RNF145: variants seen among roughly 807,000 people sequenced by gnomAD.
The protein encoded by RNF145 is ring finger protein 145.
Under a neutral mutation model 57.3 loss-of-function variants are expected in RNF145, and 12 were observed. That is an observed-to-expected ratio of 0.21 (90% CI 0.13 to 0.34). The LOEUF (loss-of-function observed/expected upper bound fraction) is 0.34. Ranked by LOEUF, RNF145 falls within the 10% of genes least tolerant of loss-of-function variation. RNF145 has a pLI of 1.00. For synonymous variants in RNF145, 262 were observed against 288.3 expected, an observed-to-expected ratio of 0.91 and a Z score of 0.92; for missense variants, 429 against 799.0, an observed-to-expected ratio of 0.54 and a Z score of 5.58.
upstream of RNF145, chr5:159,209,759 C>T (rs1786049241): frequency 1.5e-6 from 2 of 1,293,984 alleles, no homozygotes; most frequent in South Asian, 2.5e-5. Context: ...ACTGCAGAGA[C>T]ACCTGGACGC....
chr5:159,161,542 G>T lies in RNF145; in HGVS notation c.1350C>A (p.Val450=), dbSNP rs748229151. Residue 450 remains valine, a synonymous_variant, in exon 10 of 11, where the codon GTC becomes GTA. Transcript: ENST00000424310. The stretch of plus-strand genomic sequence containing the variant: ...GGTAAGTGCCATTCACATAGTAGAT[G>T]ACATCATCCATGTTTTCCACTGGCT... ...RKEPVENMDD[V]IYYVNGTYRL... is the part of the protein sequence containing the mutation. 1.2e-6 allele frequency: 2 copies of T among 1,613,480 alleles called. No individual in the cohort carries two copies. Among genetic ancestry groups the T allele is most frequent in the Non-Finnish European group, 1.7e-6 (2 of 1,179,850 alleles).
Position 159,204,395 on chromosome 5 carries a change from G to T in RNF145, c.-39-739C>A, listed in dbSNP as rs1326354995. Among the ~76,000 whole-genome samples, 15 of 151,232 alleles carry T rather than the reference G, an allele frequency of 9.9e-5. No homozygotes were observed. In the East Asian group the frequency reaches 2.9e-3, roughly 29 times the overall value. On this transcript the variant is annotated intron_variant, in intron 1 of 10. Coordinates refer to ENST00000424310, the MANE Select transcript of RNF145 (RefSeq NM_001199383.2). ...AGACCATGATAAGTAGTGGGGGGGG[G>T]CAGGGGGAGGAGGAAATGAAAGGCA...
chr5:159,168,150 C>T (rs149140824), intron 8 of RNF145, among the ~76,000 whole-genome samples: 2 of 152,242 alleles, frequency 1.3e-5, no homozygotes, highest in Non-Finnish European at 2.9e-5. Context: ...TTATCCCTCA[C>T]AAAAATTTCT....
At chr5:159,197,672 T>G (rs1785505025) in intron 2 of RNF145, among the ~76,000 whole-genome samples, 2 of 152,318 alleles carry the variant, frequency 1.3e-5, no homozygotes, top group African/African-American at 4.8e-5. Context: ...CAAACATGCA[T>G]CACAACTCAC....
intron 9 of RNF145, among the ~76,000 whole-genome samples, chr5:159,162,425 CTTTTTTTTTTTT>C (rs201178143): frequency 7.4e-6 from 1 of 134,574 alleles, no homozygotes; most frequent in African/African-American, 2.8e-5. Context: ...GTAATATTTT[CTTTTTTTTTTTT>C]TTTTTTTTGA....
At chr5:159,186,853 C>T (rs1785076423) in intron 3 of RNF145, among the ~76,000 whole-genome samples, 1 of 152,176 alleles carries the variant, frequency 6.6e-6, no homozygotes, top group Non-Finnish European at 1.5e-5. Flanking sequence ...TGGTAATACT[C>T]ATTTTAACAA....
intron 10 of RNF145, 148 bp from the exon 11 acceptor site, chr5:159,159,183 T>C: frequency 1.5e-6 from 1 of 683,110 alleles, no homozygotes; most frequent in Non-Finnish European, 2.4e-6. Flanking sequence ...TATATATCAG[T>C]AATAATCCTG....
intron 3 of RNF145, among the ~76,000 whole-genome samples, chr5:159,190,166 G>A (rs903034462): frequency 1.3e-5 from 2 of 151,986 alleles, no homozygotes; most frequent in Non-Finnish European, 2.9e-5. Flanking sequence ...CTCAGCCTCC[G>A]AAGTAGCTGG....
chr5:159,199,278 A>G (rs2113227442), intron 2 of RNF145, among the ~76,000 whole-genome samples: 1 of 152,280 alleles, frequency 6.6e-6, no homozygotes, highest in South Asian at 2.1e-4. Flanking sequence ...CCCAAACAAC[A>G]AAAGATTAAA....
chr5:159,189,797 G>A (rs1785221668), intron 3 of RNF145, among the ~76,000 whole-genome samples: 1 of 152,226 alleles, frequency 6.6e-6, no homozygotes, highest in Admixed American at 6.5e-5. Flanking sequence ...GCTGCAACAT[G>A]CATGAATCTT....
Position 159,204,971 on chromosome 5 carries a change from C to T in RNF145, c.-39-1315G>A, listed in dbSNP as rs185678212. ...GTAATTTCAGACATTACAGGACAAACGAAAACATTTATTTCTGCAGAAAAT... is the reference window on the plus strand; with the variant it reads ...GTAATTTCAGACATTACAGGACAAATGAAAACATTTATTTCTGCAGAAAAT... On this transcript the variant is annotated intron_variant, in intron 1 of 10. Coordinates refer to ENST00000424310, the MANE Select transcript of RNF145 (RefSeq NM_001199383.2). Among the ~76,000 whole-genome samples the T allele has an allele frequency of 1.2e-3, 186 of 152,142 alleles. 1 individual carries two copies. The highest frequency in any genetic ancestry group is 3.7e-3 in the African/African-American group (154 of 41,516).
chr5:159,167,801 TC>T (rs372694018), intron 8 of RNF145, among the ~76,000 whole-genome samples: 14 of 152,334 alleles, frequency 9.2e-5, no homozygotes, highest in Admixed American at 2.6e-4. Flanking sequence ...TTTTCAGCCA[TC>T]CTACCACTTG....
intron 3 of RNF145, among the ~76,000 whole-genome samples, chr5:159,187,001 T>C (rs557195936): frequency 3.7e-5 from 5 of 134,316 alleles, no homozygotes; most frequent in East Asian, 4.6e-4. Flanking sequence ...AACAAAACAG[T>C]TGGGCGTGGT....
At chr5:159,178,738 T>C (rs1446815561) in intron 4 of RNF145, among the ~76,000 whole-genome samples, 4 of 152,090 alleles carry the variant, frequency 2.6e-5, no homozygotes, top group African/African-American at 7.2e-5. Context: ...CAAACAGTAA[T>C]ATAATGCAGA....
intron 1 of RNF145, 137 bp from the exon 2 acceptor site, chr5:159,203,793 T>A: frequency 1.6e-6 from 1 of 611,658 alleles, no homozygotes; most frequent in Non-Finnish European, 2.9e-6. Flanking sequence ...CAGCCACAAC[T>A]ACTATTTTTA....
chr5:159,210,006 A>C, upstream of RNF145: 2 of 1,012,214 alleles, frequency 2.0e-6, no homozygotes, highest in South Asian at 2.8e-5. Context: ...CCCAGCACCA[A>C]GTGCAGGCAC....
chr5:159,183,241 C>A (rs1784952163), intron 3 of RNF145, among the ~76,000 whole-genome samples: 1 of 152,140 alleles, frequency 6.6e-6, no homozygotes, highest in Admixed American at 6.5e-5. Context: ...AAGCCAAATT[C>A]TCAGGAAGAA....
chr5:159,184,079 G>C (rs1403592403), intron 3 of RNF145, among the ~76,000 whole-genome samples: 2 of 152,184 alleles, frequency 1.3e-5, no homozygotes, highest in African/African-American at 4.8e-5. Flanking sequence ...TCAGTCCCAA[G>C]TGTCTCTTTG....
Position 159,180,072 on chromosome 5 carries a change from C to CTGACTTACCAAGGAT in RNF145, c.385+1873_385+1887dup, listed in dbSNP as rs1322667435. Among the ~76,000 whole-genome samples the CTGACTTACCAAGGAT allele has an allele frequency of 3.3e-5, 5 of 152,034 alleles. No individual in the cohort carries two copies. In the East Asian group the frequency reaches 9.6e-4, roughly 29 times the overall value. On this transcript the variant is annotated intron_variant, in intron 4 of 10. Transcript: ENST00000424310. ...TGACCTAGCACTTCTCCCTCTCTCT[C>CTGACTTACCAAGGAT]TGACTTACCAAGGATTGAAGTGGGT... is the stretch of plus-strand genomic sequence containing the variant.
Sources: allele counts gnomAD v4.1 joint callset (sites outside exome capture counted in the v4.1 genomes callset), GRCh38; gene constraint gnomAD v4.1.1; transcripts MANE v1.5; gene names NCBI Gene and HGNC (gene_info 2026-07-23, HGNC 2026-07-21).